Variants in SLC4A1 observed in about 807,000 individuals in gnomAD.
The protein encoded by SLC4A1 is solute carrier family 4 member 1 (Diego blood group).
SLC4A1 carries 29 observed loss-of-function variants against 93.1 expected under a neutral mutation model. The ratio of observed to expected loss-of-function variants is 0.31; its 90% CI spans 0.23 to 0.42. The LOEUF (loss-of-function observed/expected upper bound fraction) is 0.42. SLC4A1 is among the 20% of genes least tolerant of loss of function. The pLI, the probability that SLC4A1 is intolerant of heterozygous loss-of-function variation, is 1.00. For synonymous variants in SLC4A1, 469 were observed against 497.2 expected, an observed-to-expected ratio of 0.94 and a Z score of 0.76; for missense variants, 965 against 1,190.1, an observed-to-expected ratio of 0.81 and a Z score of 2.78.
At chr17:44,265,526 C>A (rs1030717646) in intron 1 of SLC4A1, among the ~76,000 whole-genome samples, 1 of 152,108 alleles carries the variant, frequency 6.6e-6, no homozygotes, top group East Asian at 2.0e-4. Flanking sequence ...CCCGCCACCA[C>A]GCCCAGCTAA....
chr17:44,254,749 G>A lies in SLC4A1; in HGVS notation c.1891-87C>T. 4 of 1,306,442 alleles carry A rather than the reference G, an allele frequency of 3.1e-6. No homozygotes were observed. The South Asian group carries it at 5.0e-5, about 16-fold the overall frequency. 80.9% of individuals were successfully genotyped at this position (1,306,442 alleles called of 1,614,324 possible). On this transcript the variant is annotated intron_variant, in intron 15 of 19. Coordinates refer to ENST00000262418, the MANE Select transcript of SLC4A1 (RefSeq NM_000342.4). ...GGAGGAGCCAGGGTCCTAGGGGTCG[G>A]GCAGTTAGGTTGGAGGCACTTGGGA...
At chr17:44,265,234 G>A (rs189837696) in intron 1 of SLC4A1, among the ~76,000 whole-genome samples, 1 of 152,206 alleles carries the variant, frequency 6.6e-6, no homozygotes, top group African/African-American at 2.4e-5. Context: ...TGCTTCCGAG[G>A]TGACATGGAC....
rs201611359 is a variant in SLC4A1 at position 44,259,895 on chromosome 17, G to A, written c.523C>T (p.Pro175Ser). 8.7e-6 allele frequency: 14 copies of A among 1,613,960 alleles called. No homozygotes were observed. The highest frequency in any genetic ancestry group is 5.1e-6 in the Non-Finnish European group (6 of 1,180,026). The change falls in exon 7 of 20, where the codon CCT becomes TCT. Residue 175 changes from proline (P) to serine (S), a missense_variant. Transcript: ENST00000262418. ...GELEALGGVK[P>S]AVLTRSGDPS... ...TCCCCAGAGCGTGTCAGGACTGCAG[G>A]CTTCACACCCCCCAGGGCCTCCAGC...
chr17:44,267,182 A>C (rs2047502379), intron 1 of SLC4A1, among the ~76,000 whole-genome samples: 1 of 152,160 alleles, frequency 6.6e-6, no homozygotes. Flanking sequence ...CCTCCAACAA[A>C]ACAACTGTTA....
chr17:44,263,698 CTCCCTTCCCTCCT>C (rs1486649784), intron 1 of SLC4A1, among the ~76,000 whole-genome samples: 5 of 98,288 alleles, frequency 5.1e-5, no homozygotes, highest in South Asian at 9.9e-4. Flanking sequence ...CCCTCCTTCC[CTCCCTTCCCTCCT>C]TCCTTCCTTC....
At position 44,250,323 on chromosome 17, in the gene SLC4A1, C is replaced by A. The variant is rs566741511; in HGVS notation, c.*135G>T. On this transcript the variant is annotated 3_prime_UTR_variant, in exon 20 of 20. Transcript: ENST00000262418. ...GTCTCCTGGACACGCCTTCCTTCCC[C>A]ACCCACAGCCCTGGGGCCTCAGCTG... 1.3e-6 allele frequency: 1 copy of A among 751,522 alleles called. No individual in the cohort carries two copies. Among genetic ancestry groups the A allele is most frequent in the Non-Finnish European group, 2.3e-6 (1 of 431,354 alleles). 46.6% of individuals were successfully genotyped at this position (751,522 alleles called of 1,614,324 possible).
At position 44,258,436 on chromosome 17, in the gene SLC4A1, T is replaced by C. The variant is rs774867548; in HGVS notation, c.1064A>G (p.Asp355Gly). Residue 355 changes from aspartate to glycine, a missense_variant, in exon 10 of 20, where the codon GAC becomes GGC. Physicochemically the swap from Asp to Gly is moderately conservative, Grantham distance 94. Coordinates refer to ENST00000262418, the MANE Select transcript of SLC4A1 (RefSeq NM_000342.4). The surrounding 1 kb of genome is among the most constrained non-coding windows in gnomAD (Gnocchi z 6.1). ...RRYQSSPAKP[D>G]SSFYKGLDLN... ...ACCTAGGCCCTTGTAGAAGCTGGAG[T>C]CTGGCTTGGCAGGGCTGGACTGATA... The C allele has an allele frequency of 5.0e-6, 8 of 1,613,702 alleles. No individual in the cohort carries two copies. The highest frequency in any genetic ancestry group is 1.7e-5 in the Admixed American group (1 of 59,972).
At position 44,260,528 on chromosome 17, in the gene SLC4A1, G is replaced by C. The variant is rs1442706372; in HGVS notation, c.361C>G (p.Leu121Val). The change falls in exon 6 of 20, where the codon CTA becomes GTA. Residue 121 changes from leucine (L) to valine (V), a missense_variant. Around this residue, in one of 2 missense-constraint regions of SLC4A1, gnomAD observed 195 missense variants for 183.5 expected, o/e 1.06. Coordinates refer to ENST00000262418, the MANE Select transcript of SLC4A1 (RefSeq NM_000342.4). ...GCCAGGGAGGTCTCTTGCAGGTCTA[G>C]GAGGACAGTACCTGCAGGCAGTGGA... ...RRVFTKGTVL[L>V]DLQETSLAGV... The C allele has an allele frequency of 6.2e-7, 1 of 1,614,110 alleles. No homozygotes were observed. The highest frequency in any genetic ancestry group is 1.3e-5 in the African/African-American group (1 of 74,948).
chr17:44,259,336 C>T lies in SLC4A1; in HGVS notation c.703G>A (p.Asp235Asn), dbSNP rs751211768. ...EATLVLVGRA[D>N]FLEQPVLGFV... ...CCCAGCACCGGCTGCTCCAGGAAGTCGGCGCGGCCTGTTAGGGGATGAGAA... is the reference window on the plus strand; with the variant it reads ...CCCAGCACCGGCTGCTCCAGGAAGTTGGCGCGGCCTGTTAGGGGATGAGAA... Residue 235 changes from aspartate (D) to asparagine (N), a missense_variant, in exon 9 of 20, where the codon GAC becomes AAC. Physicochemically the swap from Asp to Asn is conservative, Grantham distance 23. Coordinates refer to ENST00000262418, the MANE Select transcript of SLC4A1 (RefSeq NM_000342.4). The T allele has an allele frequency of 8.1e-6, 13 of 1,613,442 alleles. No individual in the cohort carries two copies. The highest frequency in any genetic ancestry group is 2.2e-5 in the East Asian group (1 of 44,876).
At chr17:44,263,315 T>C (rs1236539559) in intron 1 of SLC4A1, among the ~76,000 whole-genome samples, 1 of 152,110 alleles carries the variant, frequency 6.6e-6, no homozygotes, top group Non-Finnish European at 1.5e-5. Context: ...TCAGGGGGGC[T>C]TAGCTCCCCT....
intron 1 of SLC4A1, 128 bp from the exon 2 acceptor site, chr17:44,263,062 G>A: frequency 1.3e-6 from 1 of 767,584 alleles, no homozygotes; most frequent in Non-Finnish European, 2.2e-6. Context: ...GAGGAAGGAA[G>A]TGTGGAGGGA....
intron 6 of SLC4A1, 47 bp from the exon 7 acceptor site, chr17:44,259,979 A>G: frequency 6.2e-7 from 1 of 1,609,726 alleles, no homozygotes; most frequent in Non-Finnish European, 8.5e-7. Context: ...GTTCAGGCTG[A>G]GCTATCAGTG....
intron 1 of SLC4A1, among the ~76,000 whole-genome samples, chr17:44,263,582 C>T (rs554671818): frequency 6.6e-6 from 1 of 152,196 alleles, no homozygotes; most frequent in African/African-American, 2.4e-5. Context: ...CACCCTCCCC[C>T]CAATACCTCA....
intron 11 of SLC4A1, 62 bp downstream of exon 11, chr17:44,257,924 G>T: frequency 6.2e-7 from 1 of 1,609,268 alleles, no homozygotes; most frequent in Non-Finnish European, 8.5e-7. Flanking sequence ...TCAGAAGTTG[G>T]GGCTGAGACA....
In SLC4A1 at chr17:44,259,701, C is replaced by T. The variant is rs2047424541; in HGVS notation, c.609+108G>A. 2.6e-6 allele frequency: 4 copies of T among 1,565,978 alleles called. No individual in the cohort carries two copies. The East Asian group carries it at 9.0e-5, about 35-fold the overall frequency. On this transcript the variant is annotated intron_variant, in intron 7 of 19. Transcript: ENST00000262418. Reference sequence around the variant, plus strand: ...CTGGCACCCCCCGGGCACAGGAGTGCTTCTGGTCCCCTGCTTGTGGTCGGT... The same window carrying T: ...CTGGCACCCCCCGGGCACAGGAGTGTTTCTGGTCCCCTGCTTGTGGTCGGT...
intron 13 of SLC4A1, among the ~76,000 whole-genome samples, chr17:44,256,593 G>A (rs1009286936): frequency 3.3e-5 from 5 of 152,246 alleles, no homozygotes; most frequent in African/African-American, 1.2e-4. Flanking sequence ...CAGCTCTTGA[G>A]GACAAGCACA....
Position 44,251,563 on chromosome 17 carries a change from G to T in SLC4A1, c.2337C>A (p.Ile779=), listed in dbSNP as rs1373469169. Residue 779 remains isoleucine (I), a synonymous_variant, in exon 18 of 20, where the codon ATC becomes ATA. Transcript: ENST00000262418. ...LVGLSILMEP[I]LSRIPLAVLF... is the part of the protein sequence containing the mutation. ...GTACAGCCAGGGGGATGCGGGACAG[G>T]ATGGGCTCCATGAGGATGGACAGGC... 6 of 1,614,104 alleles carry T rather than the reference G, an allele frequency of 3.7e-6. No homozygotes were observed. Among genetic ancestry groups the T allele is most frequent in the Admixed American group, 1.7e-5 (1 of 60,022 alleles).
At chr17:44,255,343 ACCTCCTGCCTT>A in intron 14 of SLC4A1, 47 bp from the exon 15 acceptor site, 1 of 1,419,760 alleles carries the variant, frequency 7.0e-7, no homozygotes, top group Non-Finnish European at 9.7e-7. Context: ...GTCACTCCCC[ACCTCCTGCCTT>A]CCTCCTGCCC....
At chr17:44,254,461 ACCCTCCCAGG>A in intron 16 of SLC4A1, 25 bp downstream of exon 16, 7 of 654,126 alleles carry the variant, frequency 1.1e-5, no homozygotes, top group Admixed American at 1.9e-5. Context: ...CCTGCCTCCC[ACCCTCCCAGG>A]CCCAGCCCCC....
Sources: allele counts gnomAD v4.1 joint callset (sites outside exome capture counted in the v4.1 genomes callset), GRCh38; gene constraint gnomAD v4.1.1; regional missense constraint gnomAD v4.1.1; non-coding constraint Gnocchi (gnomAD v3.1); transcripts MANE v1.5; gene names NCBI Gene and HGNC (gene_info 2026-07-23, HGNC 2026-07-21).